KIF26B: variants seen among roughly 807,000 people sequenced by gnomAD.
KIF26B encodes kinesin-like protein KIF26B.
Under a neutral mutation model 151.2 loss-of-function variants are expected in KIF26B, and 63 were observed. The observed-to-expected ratio is 0.42, with a 90% CI of 0.34 to 0.51. The LOEUF (loss-of-function observed/expected upper bound fraction) is 0.51. KIF26B is among the 20% of genes least tolerant of loss of function. The pLI, the probability that KIF26B is intolerant of heterozygous loss-of-function variation, is 0.07. For missense variants in KIF26B, 2,813 were observed against 2,913.6 expected (o/e 0.97, Z 0.79); for synonymous variants, 1,357 against 1,262.1 (o/e 1.08, Z -1.59).
chr1:245,430,802 A>G (rs1453761908), intron 4 of KIF26B, among the ~76,000 whole-genome samples: 1 of 152,178 alleles, frequency 6.6e-6, no homozygotes, highest in Non-Finnish European at 1.5e-5. Flanking sequence ...CATTGTTTAG[A>G]CGTGGAAACT....
chr1:245,621,116 A>T (rs560029901), intron 9 of KIF26B, among the ~76,000 whole-genome samples: 1 of 152,336 alleles, frequency 6.6e-6, no homozygotes, highest in Non-Finnish European at 1.5e-5. Context: ...CAATTAAATT[A>T]GAAAGGCTGG....
intron 2 of KIF26B, among the ~76,000 whole-genome samples, chr1:245,359,982 C>T (rs1490840487): frequency 6.6e-6 from 1 of 151,100 alleles, no homozygotes; most frequent in Non-Finnish European, 1.5e-5. Context: ...AAGTGATTCT[C>T]GTGCCTCAGC....
chr1:245,632,800 C>T (rs561180689), intron 9 of KIF26B, among the ~76,000 whole-genome samples: 8 of 152,234 alleles, frequency 5.3e-5, no homozygotes, highest in South Asian at 2.1e-4. Flanking sequence ...GCCAGCTACT[C>T]CGGAGGCCAA....
chr1:245,689,549 T>C (rs2044595819), intron 12 of KIF26B, among the ~76,000 whole-genome samples: 1 of 152,192 alleles, frequency 6.6e-6, no homozygotes, highest in African/African-American at 2.4e-5. Context: ...TTGGAGAAAG[T>C]CTTTGCCATT....
chr1:245,656,449 C>T (rs1007904053), intron 10 of KIF26B, among the ~76,000 whole-genome samples: 1 of 152,210 alleles, frequency 6.6e-6, no homozygotes, highest in African/African-American at 2.4e-5. Flanking sequence ...AAGCCAAATG[C>T]AAGACTCTGA....
At chr1:245,496,144 T>C (rs2103076324) in intron 4 of KIF26B, among the ~76,000 whole-genome samples, 1 of 152,194 alleles carries the variant, frequency 6.6e-6, no homozygotes, top group East Asian at 1.9e-4. Flanking sequence ...GGTCAACATG[T>C]GGTTAAGTTC....
intron 5 of KIF26B, among the ~76,000 whole-genome samples, chr1:245,590,218 AG>A (rs1033469671): frequency 1.7e-4 from 25 of 151,320 alleles, no homozygotes; most frequent in African/African-American, 6.1e-4. Context: ...GAGTCAGAGC[AG>A]GGGTCGGGGC....
intron 2 of KIF26B, among the ~76,000 whole-genome samples, chr1:245,190,639 G>GTTTT (rs56019423): frequency 7.1e-6 from 1 of 140,118 alleles, no homozygotes; most frequent in Non-Finnish European, 1.5e-5. Flanking sequence ...GTTTTGTTTT[G>GTTTT]TTTTTTTTTT....
chr1:245,379,919 C>T lies in KIF26B; in HGVS notation c.999+12552C>T, dbSNP rs190353592. 1.7e-4 allele frequency among the ~76,000 whole-genome samples: 25 copies of T among 148,698 alleles called. No individual in the cohort carries two copies. In the East Asian group the frequency reaches 2.2e-3, roughly 13 times the overall value. On this transcript the variant is annotated intron_variant, in intron 3 of 14. Coordinates refer to ENST00000407071, the MANE Select transcript of KIF26B (RefSeq NM_018012.4). Reference sequence around the variant, plus strand: ...CCGGGCGGCAGAGGTTGCAGTGGGCCGAGATTGTGCCATTGCACTCCAGCC... The same window carrying T: ...CCGGGCGGCAGAGGTTGCAGTGGGCTGAGATTGTGCCATTGCACTCCAGCC...
chr1:245,639,280 G>A (rs79001136), intron 9 of KIF26B, among the ~76,000 whole-genome samples: 4,411 of 151,634 alleles, frequency 0.029, 217 homozygotes, highest in African/African-American at 0.1. Context: ...CATAATGGTC[G>A]CTAATGATCC....
At chr1:245,262,134 C>A (rs1335725511) in intron 2 of KIF26B, among the ~76,000 whole-genome samples, 2 of 152,094 alleles carry the variant, frequency 1.3e-5, no homozygotes, top group Non-Finnish European at 2.9e-5. Context: ...CTTTGGAGAG[C>A]CTTATTTTTC....
intron 2 of KIF26B, among the ~76,000 whole-genome samples, chr1:245,199,005 C>CGGGGGTGGGGGGGGGGGTGGGGGG: frequency 6.7e-6 from 1 of 149,512 alleles, no homozygotes; most frequent in African/African-American, 2.5e-5. Context: ...GAGTCCCAAG[C>CGGGGGTGGGGGGGGGGGTGGGGGG]AGGGGACAGA....
intron 12 of KIF26B, among the ~76,000 whole-genome samples, chr1:245,694,240 G>A (rs941327701): frequency 4.6e-5 from 7 of 152,218 alleles, no homozygotes; most frequent in African/African-American, 1.7e-4. Flanking sequence ...TCATCATGGA[G>A]CTGGCCCCTT....
At chr1:245,402,654 G>A (rs980048510) in intron 3 of KIF26B, among the ~76,000 whole-genome samples, 7 of 152,150 alleles carry the variant, frequency 4.6e-5, no homozygotes, top group Non-Finnish European at 1.0e-4. Context: ...AATATTTTAA[G>A]CTGAATGAGC....
intron 3 of KIF26B, among the ~76,000 whole-genome samples, chr1:245,416,568 G>A (rs947902116): frequency 2.0e-5 from 3 of 152,026 alleles, no homozygotes; most frequent in African/African-American, 2.4e-5. Flanking sequence ...GATATGAACC[G>A]AAGTGGAGAT....
intron 10 of KIF26B, among the ~76,000 whole-genome samples, chr1:245,660,581 T>C (rs916598704): frequency 4.6e-5 from 7 of 152,032 alleles, no homozygotes; most frequent in African/African-American, 1.7e-4. Flanking sequence ...GCTCAAGTGA[T>C]CCTCCCATCT....
At chr1:245,529,504 C>G (rs1251640962) in intron 4 of KIF26B, among the ~76,000 whole-genome samples, 1 of 152,164 alleles carries the variant, frequency 6.6e-6, no homozygotes, top group Non-Finnish European at 1.5e-5. Flanking sequence ...ATCTCTGCAG[C>G]CAGGAAATAA....
chr1:245,186,109 G>A (rs1205178930), intron 2 of KIF26B, among the ~76,000 whole-genome samples: 3 of 152,076 alleles, frequency 2.0e-5, no homozygotes, highest in Non-Finnish European at 2.9e-5. Context: ...CCCTTACCTC[G>A]TGATCCACCC....
intron 4 of KIF26B, among the ~76,000 whole-genome samples, chr1:245,528,207 TAAA>T (rs1661282758): frequency 6.6e-6 from 1 of 151,910 alleles, no homozygotes; most frequent in African/African-American, 2.4e-5. Context: ...GAAGCTAAAA[TAAA>T]GAAGCTGGGG....
Sources: allele counts gnomAD v4.1 joint callset (sites outside exome capture counted in the v4.1 genomes callset), GRCh38; gene constraint gnomAD v4.1.1; transcripts MANE v1.5; gene names NCBI Gene and HGNC (gene_info 2026-07-23, HGNC 2026-07-21).